RBM38: variants seen among roughly 807,000 people sequenced by gnomAD.
The protein encoded by RBM38 is RNA binding motif protein 38, also known as RNA-binding protein 38.
Under a neutral mutation model 23.5 loss-of-function variants are expected in RBM38, and 11 were observed. The observed-to-expected ratio is 0.47, with a 90% CI of 0.29 to 0.77. The LOEUF is 0.77. RBM38 is among the 30% of genes least tolerant of loss of function. The probability of loss-of-function intolerance (pLI) is 0.08; values close to 1 mark genes in which losing one functional copy is unlikely to be tolerated. For missense variants in RBM38, 330 were observed against 351.9 expected, an observed-to-expected ratio of 0.94 and a Z score of 0.50; for synonymous variants, 165 against 166.1, an observed-to-expected ratio of 0.99 and a Z score of 0.05.
intron 2 of RBM38, 187 bp downstream of exon 2, chr20:57,392,964 C>T (rs1445270110): frequency 4.6e-5 from 39 of 840,262 alleles, no homozygotes; most frequent in Non-Finnish European, 6.7e-5. Context: ...AGCGTGTGGC[C>T]CAAAGAAGGG....
intron 3 of RBM38, among the ~76,000 whole-genome samples, chr20:57,406,295 G>C (rs1033500288): frequency 1.3e-5 from 2 of 152,164 alleles, no homozygotes; most frequent in African/African-American, 2.4e-5. Context: ...ATTTCCCCCT[G>C]TGCTGAGGGC....
intron 3 of RBM38, among the ~76,000 whole-genome samples, chr20:57,397,489 G>A (rs1324101590): frequency 6.6e-6 from 1 of 152,226 alleles, no homozygotes; most frequent in African/African-American, 2.4e-5. Context: ...CCCACTGCAT[G>A]TATAGTTTCA....
intron 3 of RBM38, among the ~76,000 whole-genome samples, chr20:57,402,855 T>G (rs1258078499): frequency 6.6e-6 from 1 of 152,252 alleles, no homozygotes; most frequent in Non-Finnish European, 1.5e-5. Flanking sequence ...CCCACCTGCC[T>G]TCTTTGTGGC....
At chr20:57,392,304 C>A in intron 1 of RBM38, 1 of 763,566 alleles carries the variant, frequency 1.3e-6, no homozygotes, top group Non-Finnish European at 2.0e-6. Context: ...TCGCAAACTC[C>A]TTCTCAGAGG....
At position 57,407,967 on chromosome 20, in the gene RBM38, C is replaced by T. The variant is rs1184713531; in HGVS notation, c.*121C>T. ...AGTGAGGTGCCACCAGCACCCGTGC[C>T]TCCGAAGACCGCTCGGGCATTCCGC... On this transcript the variant is annotated 3_prime_UTR_variant, in exon 4 of 4. Coordinates refer to ENST00000356208, the MANE Select transcript of RBM38 (RefSeq NM_017495.6). This position sits in a 1 kb window ranked among gnomAD's most constrained non-coding sequence, Gnocchi z 4.0. 2 of 1,260,622 alleles carry T rather than the reference C, an allele frequency of 1.6e-6. No homozygotes were observed. The highest frequency in any genetic ancestry group is 1.5e-5 in the African/African-American group (1 of 66,766). The allele number at this position is 1,260,622 out of a possible 1,614,324, so 78.1% of individuals were successfully genotyped here.
At chr20:57,393,469 G>A in intron 3 of RBM38, 136 bp downstream of exon 3, 3 of 989,418 alleles carry the variant, frequency 3.0e-6, no homozygotes, top group Non-Finnish European at 3.2e-6. Flanking sequence ...AGGGAGTGAA[G>A]AGAAGGCAGA....
chr20:57,400,774 T>G (rs551102402), intron 3 of RBM38, among the ~76,000 whole-genome samples: 16 of 152,128 alleles, frequency 1.1e-4, no homozygotes, highest in Admixed American at 1.0e-3. Context: ...GGTGGGAGGA[T>G]AGAAGTTTTC....
At chr20:57,404,492 G>A (rs2067361846) in intron 3 of RBM38, among the ~76,000 whole-genome samples, 1 of 152,248 alleles carries the variant, frequency 6.6e-6, no homozygotes, top group Non-Finnish European at 1.5e-5. Context: ...TGATGCCAGG[G>A]ACAGCCTGCT....
intron 3 of RBM38, among the ~76,000 whole-genome samples, chr20:57,400,669 C>T (rs540105400): frequency 5.8e-4 from 89 of 152,262 alleles, no homozygotes; most frequent in African/African-American, 1.9e-3. Flanking sequence ...GTGGTTTCTT[C>T]CTTGGCTCTG....
At chr20:57,405,890 GC>G (rs2067378405) in intron 3 of RBM38, among the ~76,000 whole-genome samples, 1 of 152,248 alleles carries the variant, frequency 6.6e-6, no homozygotes, top group Admixed American at 6.5e-5. Flanking sequence ...CCCACATGTT[GC>G]CAAACCGCGC....
chr20:57,393,703 T>C (rs558087157), intron 3 of RBM38, among the ~76,000 whole-genome samples: 3 of 152,224 alleles, frequency 2.0e-5, no homozygotes, highest in Non-Finnish European at 4.4e-5. Flanking sequence ...CTGATGACTC[T>C]TAGGGACTGG....
chr20:57,405,058 G>T (rs753740090), intron 3 of RBM38, among the ~76,000 whole-genome samples: 6 of 152,200 alleles, frequency 3.9e-5, no homozygotes, highest in Non-Finnish European at 8.8e-5. Context: ...CCCTTGTGCC[G>T]CCATGCTGCT....
chr20:57,391,906 A>G, intron 1 of RBM38, 88 bp downstream of exon 1: 1 of 943,594 alleles, frequency 1.1e-6, no homozygotes, highest in Non-Finnish European at 1.4e-6. Context: ...ACACGCCCAG[A>G]CGGCCCGCTG....
intron 1 of RBM38, among the ~76,000 whole-genome samples, 168 bp downstream of exon 1, chr20:57,391,986 T>TCCCGCCCCCTCCACCCCAGGCCCCGGCC (rs1568804164): frequency 1.2e-5 from 1 of 80,442 alleles, no homozygotes; most frequent in African/African-American, 4.2e-5. Context: ...CTCCTGCCGG[T>TCCCGCCCCCTCCACCCCAGGCCCCGGCC]CCCGCCCCCA....
At chr20:57,395,950 T>G (rs1281810703) in intron 3 of RBM38, among the ~76,000 whole-genome samples, 3 of 152,052 alleles carry the variant, frequency 2.0e-5, no homozygotes, top group Non-Finnish European at 4.4e-5. Flanking sequence ...CAGCTGAGGG[T>G]TGTCCACCAG....
At chr20:57,395,975 G>T (rs1186802207) in intron 3 of RBM38, among the ~76,000 whole-genome samples, 1 of 152,218 alleles carries the variant, frequency 6.6e-6, no homozygotes, top group Non-Finnish European at 1.5e-5. Context: ...CCCCTTCCGT[G>T]CCTGGCTGAA....
chr20:57,392,134 G>T, intron 1 of RBM38: 1 of 231,940 alleles, frequency 4.3e-6, no homozygotes, highest in Non-Finnish European at 8.7e-6. Flanking sequence ...GGGATTTCCT[G>T]GAGCAGCGGG....
At chr20:57,395,626 A>G (rs1009727887) in intron 3 of RBM38, among the ~76,000 whole-genome samples, 1 of 151,446 alleles carries the variant, frequency 6.6e-6, no homozygotes, top group South Asian at 2.1e-4. Flanking sequence ...GCCTCTGAGA[A>G]TCGCGCCGCC....
intron 1 of RBM38, 200 bp from the exon 2 acceptor site, chr20:57,392,454 A>G (rs1283500340): frequency 6.5e-7 from 1 of 1,532,396 alleles, no homozygotes; most frequent in Non-Finnish European, 8.7e-7. Context: ...TGACGGGAGG[A>G]GCTGGAATCC....
Sources: gnomAD v4.1 joint callset for allele counts (sites outside exome capture counted in the v4.1 genomes callset) on GRCh38, gnomAD v4.1.1 for gene constraint, Gnocchi (gnomAD v3.1) non-coding constraint, MANE v1.5 for transcripts, NCBI Gene and HGNC (gene_info 2026-07-23, HGNC 2026-07-21) for gene names.